CRKL: variants seen among roughly 807,000 people sequenced by gnomAD.
The protein encoded by CRKL is crk-like protein.
A neutral mutation model predicts 23.0 loss-of-function variants in CRKL; 3 were observed. The observed-to-expected ratio is 0.13, with a 90% CI of 0.06 to 0.34. The LOEUF (loss-of-function observed/expected upper bound fraction) is 0.34. CRKL is among the 10% of genes least tolerant of loss of function. CRKL has a pLI of 1.00. For missense variants in CRKL, 256 were observed against 394.5 expected, an observed-to-expected ratio of 0.65 and a Z score of 2.97; for synonymous variants, 188 against 160.7, an observed-to-expected ratio of 1.17 and a Z score of -1.28.
chr22:20,925,570 A>G (rs1026401621), intron 1 of CRKL, among the ~76,000 whole-genome samples: 1 of 152,226 alleles, frequency 6.6e-6, no homozygotes, highest in Non-Finnish European at 1.5e-5. Context: ...CAGATAAGTA[A>G]AAGGGGGCAC....
In CRKL at chr22:20,952,016, A is replaced by G. The variant is rs544163986; in HGVS notation, c.*2171A>G. On this transcript the variant is annotated 3_prime_UTR_variant, in exon 3 of 3. Transcript: ENST00000354336. ...AGCACCCACAAGTGGCAGACATATCACAAGAGTCCCCAGACTCTGCCTAGA... is the reference window on the plus strand; with the variant it reads ...AGCACCCACAAGTGGCAGACATATCGCAAGAGTCCCCAGACTCTGCCTAGA... 73 of 224,692 alleles carry G rather than the reference A, an allele frequency of 3.2e-4. No homozygotes were observed. In the South Asian group the frequency reaches 0.013, roughly 41 times the overall value. The allele number at this position is 224,692 out of a possible 1,614,324, so 13.9% of individuals were successfully genotyped here.
intron 2 of CRKL, among the ~76,000 whole-genome samples, chr22:20,948,409 G>A (rs1226164780): frequency 1.3e-5 from 2 of 151,850 alleles, no homozygotes; most frequent in Admixed American, 6.6e-5. Context: ...TCTTCCCTTC[G>A]TGCATCCAAA....
At chr22:20,920,563 C>T (rs1287022959) in intron 1 of CRKL, among the ~76,000 whole-genome samples, 4 of 151,926 alleles carry the variant, frequency 2.6e-5, no homozygotes, top group Non-Finnish European at 4.4e-5. Flanking sequence ...AGAAGTATGC[C>T]GCTTCTCTCT....
At chr22:20,932,201 T>C (rs1921481294) in intron 1 of CRKL, among the ~76,000 whole-genome samples, 1 of 151,586 alleles carries the variant, frequency 6.6e-6, no homozygotes, top group Non-Finnish European at 1.5e-5. Flanking sequence ...TTCTAACTCC[T>C]GGGCTCAAGT....
chr22:20,941,105 C>G (rs1337222233), intron 2 of CRKL, among the ~76,000 whole-genome samples: 1 of 152,064 alleles, frequency 6.6e-6, no homozygotes, highest in African/African-American at 2.4e-5. Flanking sequence ...ATGTGGCAAG[C>G]TTACAGGCTC....
At chr22:20,945,014 G>T (rs764915568) in intron 2 of CRKL, among the ~76,000 whole-genome samples, 1 of 150,888 alleles carries the variant, frequency 6.6e-6, no homozygotes, top group Non-Finnish European at 1.5e-5. Flanking sequence ...TTTTTTTTGG[G>T]ATGGAGTTTC....
At chr22:20,933,001 A>G (rs1921510635) in intron 1 of CRKL, among the ~76,000 whole-genome samples, 1 of 152,010 alleles carries the variant, frequency 6.6e-6, no homozygotes, top group Admixed American at 6.6e-5. Context: ...AATCACTTGA[A>G]CACGGGAGGT....
chr22:20,941,502 T>C (rs942214428), intron 2 of CRKL, among the ~76,000 whole-genome samples: 2 of 58,408 alleles, frequency 3.4e-5, no homozygotes, highest in Non-Finnish European at 8.2e-5. Flanking sequence ...TATATACATA[T>C]GTGTGTTTGT....
chr22:20,921,736 A>G (rs1271962614), intron 1 of CRKL, among the ~76,000 whole-genome samples: 2 of 149,588 alleles, frequency 1.3e-5, no homozygotes, highest in Non-Finnish European at 3.0e-5. Context: ...TTTTCTTGAG[A>G]CGGAGTCTTG....
chr22:20,919,560 T>G (rs887128604), intron 1 of CRKL, among the ~76,000 whole-genome samples: 2 of 152,230 alleles, frequency 1.3e-5, no homozygotes, highest in Non-Finnish European at 2.9e-5. Context: ...GATTTGCTTT[T>G]ATTGTTGTGT....
chr22:20,951,908 C>T lies in CRKL; in HGVS notation c.*2063C>T, dbSNP rs1569140038. On this transcript the variant is annotated 3_prime_UTR_variant, in exon 3 of 3. Transcript: ENST00000354336. ...TCCTTGCCAGTGAGAACGGTGACCG[C>T]CTCCTGCTCTGCACGGTCTGCGGCA... The T allele has an allele frequency of 9.0e-6, 2 of 222,792 alleles. No homozygotes were observed. The highest frequency in any genetic ancestry group is 1.8e-5 in the Non-Finnish European group (2 of 111,648). The allele number at this position is 222,792 out of a possible 1,614,324, so 13.8% of individuals were successfully genotyped here.
At chr22:20,935,193 A>G (rs909665586) in intron 2 of CRKL, among the ~76,000 whole-genome samples, 17 of 152,096 alleles carry the variant, frequency 1.1e-4, no homozygotes, top group African/African-American at 3.6e-4. Flanking sequence ...CCTCATGGCA[A>G]CGTCTGCCTC....
At chr22:20,918,297 C>T (rs1162304990) in intron 1 of CRKL, 52 bp downstream of exon 1, 2 of 1,582,232 alleles carry the variant, frequency 1.3e-6, no homozygotes, top group Non-Finnish European at 1.7e-6. Flanking sequence ...CCGGGTCTGT[C>T]GAAGAGTGCT....
intron 2 of CRKL, among the ~76,000 whole-genome samples, chr22:20,940,053 G>C (rs1480136569): frequency 6.6e-6 from 1 of 151,962 alleles, no homozygotes; most frequent in African/African-American, 2.4e-5. Flanking sequence ...GCCTCCCAAA[G>C]TGCTGGGATT....
chr22:20,939,768 A>G (rs936294249), intron 2 of CRKL, among the ~76,000 whole-genome samples: 2 of 145,710 alleles, frequency 1.4e-5, no homozygotes, highest in Admixed American at 6.9e-5. Context: ...TTGTCATATG[A>G]TCTGCGTACA....
chr22:20,921,914 T>C (rs1921006395), intron 1 of CRKL, among the ~76,000 whole-genome samples: 1 of 151,666 alleles, frequency 6.6e-6, no homozygotes, highest in Non-Finnish European at 1.5e-5. Flanking sequence ...TTCACCATGT[T>C]AGCCAGGATA....
chr22:20,920,327 C>A (rs771409565), intron 1 of CRKL, among the ~76,000 whole-genome samples: 1 of 151,980 alleles, frequency 6.6e-6, no homozygotes. Flanking sequence ...ATGGTGAAAC[C>A]CCGTCTCTGC....
In CRKL at chr22:20,944,721, T is replaced by G. The variant is rs1921993814; in HGVS notation, c.778-4990T>G. On this transcript the variant is annotated intron_variant, in intron 2 of 2. Transcript: ENST00000354336. Reference sequence around the variant, plus strand: ...CAGCCTATTCTTGGATATTTTTATTTTAGATGCTATTGTAAATGGAATCAC... The same window carrying G: ...CAGCCTATTCTTGGATATTTTTATTGTAGATGCTATTGTAAATGGAATCAC... 2.0e-5 allele frequency among the ~76,000 whole-genome samples: 3 copies of G among 151,960 alleles called. No individual in the cohort carries two copies. In the South Asian group the frequency reaches 6.2e-4, roughly 32 times the overall value.
intron 2 of CRKL, among the ~76,000 whole-genome samples, chr22:20,938,133 G>T (rs1395784507): frequency 6.6e-6 from 1 of 152,184 alleles, no homozygotes; most frequent in Non-Finnish European, 1.5e-5. Context: ...AAATTAAAAT[G>T]AGAAACAGAC....
Sources: gnomAD v4.1 joint callset for allele counts (sites outside exome capture counted in the v4.1 genomes callset) on GRCh38, gnomAD v4.1.1 for gene constraint, MANE v1.5 for transcripts, NCBI Gene and HGNC (gene_info 2026-07-23, HGNC 2026-07-21) for gene names.